Variants in SLC9A9 observed in about 807,000 individuals in gnomAD.
SLC9A9 encodes the protein sodium/hydrogen exchanger 9.
Under a neutral mutation model 77.8 loss-of-function variants are expected in SLC9A9, and 62 were observed. The ratio of observed to expected loss-of-function variants is 0.80; its 90% CI spans 0.65 to 0.98. The LOEUF is 0.98. SLC9A9 is among the 50% of genes least tolerant of loss of function. The pLI, the probability that SLC9A9 is intolerant of heterozygous loss-of-function variation, is 0.00. For missense variants in SLC9A9, 775 were observed against 774.9 expected (o/e 1.00, Z 0.00); for synonymous variants, 320 against 283.5 (o/e 1.13, Z -1.29).
chr3:143,415,288 A>G (rs1448735885), intron 12 of SLC9A9, among the ~76,000 whole-genome samples: 1 of 152,234 alleles, frequency 6.6e-6, no homozygotes, highest in East Asian at 1.9e-4. Context: ...ACAGATTGTC[A>G]ATGTAGACAA....
At chr3:143,386,978 T>C (rs2033441917) in intron 12 of SLC9A9, among the ~76,000 whole-genome samples, 1 of 152,152 alleles carries the variant, frequency 6.6e-6, no homozygotes, top group Admixed American at 6.5e-5. Flanking sequence ...GTAGCTGGGA[T>C]TATAGGCGTA....
intron 6 of SLC9A9, among the ~76,000 whole-genome samples, chr3:143,648,224 A>G (rs780203163): frequency 3.6e-4 from 55 of 152,314 alleles, no homozygotes; most frequent in Middle Eastern, 3.4e-3. Context: ...TTATGGCCAT[A>G]CAAAATCACT....
chr3:143,697,689 T>TACACAC (rs144005213), intron 4 of SLC9A9, among the ~76,000 whole-genome samples: 114 of 148,706 alleles, frequency 7.7e-4, no homozygotes, highest in African/African-American at 1.9e-3. Context: ...TGTGTGTGAG[T>TACACAC]ACACACACAC....
chr3:143,483,152 C>G (rs1198076246), intron 11 of SLC9A9, among the ~76,000 whole-genome samples: 3 of 152,192 alleles, frequency 2.0e-5, no homozygotes, highest in African/African-American at 4.8e-5. Flanking sequence ...CGTTGACACC[C>G]ATGTGGCATT....
At chr3:143,451,170 A>G (rs533892740) in intron 12 of SLC9A9, among the ~76,000 whole-genome samples, 1 of 152,230 alleles carries the variant, frequency 6.6e-6, no homozygotes, top group African/African-American at 2.4e-5. Flanking sequence ...TTATTAAAAA[A>G]AAAAAGAGGA....
At chr3:143,293,047 C>G (rs1578268213) in intron 14 of SLC9A9, among the ~76,000 whole-genome samples, 1 of 152,162 alleles carries the variant, frequency 6.6e-6, no homozygotes, top group Admixed American at 6.6e-5. Context: ...AGGTATAAAT[C>G]TTTCTCCCAT....
intron 11 of SLC9A9, among the ~76,000 whole-genome samples, chr3:143,475,118 C>T (rs1397078935): frequency 1.3e-5 from 2 of 151,484 alleles, no homozygotes; most frequent in East Asian, 3.9e-4. Flanking sequence ...ACTACCACAC[C>T]TGGCTCATTT....
chr3:143,691,226 T>A (rs9819516), intron 5 of SLC9A9, among the ~76,000 whole-genome samples: 4,904 of 152,088 alleles, frequency 0.032, 98 homozygotes, highest in Middle Eastern at 0.058. Context: ...CACAAGGCTA[T>A]TTTTTTAATT....
At chr3:143,644,096 G>C (rs538695904) in intron 6 of SLC9A9, among the ~76,000 whole-genome samples, 2 of 152,300 alleles carry the variant, frequency 1.3e-5, no homozygotes, top group African/African-American at 4.8e-5. Context: ...GGGGCCAAGA[G>C]AGAAAAAGAA....
chr3:143,375,081 C>T (rs1194105791), intron 13 of SLC9A9, among the ~76,000 whole-genome samples: 2 of 152,166 alleles, frequency 1.3e-5, no homozygotes, highest in Non-Finnish European at 2.9e-5. Context: ...GCTATGCCAA[C>T]TGGATTCTGC....
chr3:143,591,341 G>A (rs936154661), intron 6 of SLC9A9, among the ~76,000 whole-genome samples: 1 of 152,240 alleles, frequency 6.6e-6, no homozygotes, highest in East Asian at 1.9e-4. Context: ...ATTTCACAAA[G>A]GTAGTTGCCT....
chr3:143,606,436 C>CTCTCTCTCTCTATATATATATATATATA (rs1419410834), intron 6 of SLC9A9, among the ~76,000 whole-genome samples: 2 of 54,216 alleles, frequency 3.7e-5, no homozygotes, highest in African/African-American at 1.5e-4. Context: ...CTCTCTCTCT[C>CTCTCTCTCTCTATATATATATATATATA]TATATATATA....
At position 143,319,299 on chromosome 3, in the gene SLC9A9, G is replaced by A. The variant is rs142135319; in HGVS notation, c.1604+44185C>T. 7.3e-3 allele frequency among the ~76,000 whole-genome samples: 1,113 copies of A among 152,282 alleles called. 6 individuals carry two copies. The highest frequency in any genetic ancestry group is 0.012 in the Non-Finnish European group (790 of 68,032). On this transcript the variant is annotated intron_variant, in intron 14 of 15. Coordinates refer to ENST00000316549, the MANE Select transcript of SLC9A9 (RefSeq NM_173653.4). ...GGCTTCCTGAGTTCTCTCCTGGGGA[G>A]TCCTATAAATGTCCTTTTTGACCTT...
At chr3:143,327,225 C>T (rs1035023886) in intron 14 of SLC9A9, among the ~76,000 whole-genome samples, 5 of 152,020 alleles carry the variant, frequency 3.3e-5, no homozygotes, top group African/African-American at 1.2e-4. Context: ...GGCTACACTT[C>T]CTCTCTTAAA....
At chr3:143,806,463 C>T (rs1207245482) in intron 2 of SLC9A9, among the ~76,000 whole-genome samples, 1 of 152,034 alleles carries the variant, frequency 6.6e-6, no homozygotes, top group Non-Finnish European at 1.5e-5. Flanking sequence ...TCTGCATTGC[C>T]TTCTCCTCTG....
At chr3:143,563,922 G>T (rs1419312081) in intron 8 of SLC9A9, among the ~76,000 whole-genome samples, 6 of 152,094 alleles carry the variant, frequency 3.9e-5, no homozygotes, top group African/African-American at 1.4e-4. Context: ...CTGTCAACTA[G>T]ATTACCCAGT....
At chr3:143,815,112 T>C (rs539369566) in intron 2 of SLC9A9, among the ~76,000 whole-genome samples, 1 of 152,048 alleles carries the variant, frequency 6.6e-6, no homozygotes, top group South Asian at 2.1e-4. Flanking sequence ...ATAATGAAGA[T>C]GTGCTAAGTT....
intron 12 of SLC9A9, among the ~76,000 whole-genome samples, chr3:143,386,319 G>A (rs9853829): frequency 0.4 from 60,749 of 151,974 alleles, 12,472 homozygotes; most frequent in Admixed American, 0.46. Context: ...ATCGGCCCTA[G>A]CTGGAATCTG....
chr3:143,735,191 G>T (rs1251781582), intron 4 of SLC9A9, among the ~76,000 whole-genome samples: 2 of 152,150 alleles, frequency 1.3e-5, no homozygotes, highest in Non-Finnish European at 2.9e-5. Context: ...TCCCAAAAGA[G>T]AAAGCAATCG....
Sources: allele counts gnomAD v4.1 joint callset (sites outside exome capture counted in the v4.1 genomes callset), GRCh38; gene constraint gnomAD v4.1.1; transcripts MANE v1.5; gene names NCBI Gene and HGNC (gene_info 2026-07-23, HGNC 2026-07-21).